The following NELL2 variants were observed in gnomAD, a reference collection of about 807,000 sequenced individuals.
NELL2 encodes protein kinase C-binding protein NELL2.
A neutral mutation model predicts 109.6 loss-of-function variants in NELL2; 41 were observed. The observed-to-expected ratio is 0.37, with a 90% CI of 0.29 to 0.49. NELL2 has a LOEUF of 0.49. Ranked by LOEUF, NELL2 falls within the 20% of genes least tolerant of loss-of-function variation. The probability of loss-of-function intolerance (pLI) is 0.98; values close to 1 mark genes in which losing one functional copy is unlikely to be tolerated. For synonymous variants in NELL2, 355 were observed against 344.7 expected, an observed-to-expected ratio of 1.03 and a Z score of -0.33; for missense variants, 900 against 1,008.3, an observed-to-expected ratio of 0.89 and a Z score of 1.45.
chr12:44,695,422 G>T, intron 12 of NELL2, among the ~76,000 whole-genome samples: 1 of 151,982 alleles, frequency 6.6e-6, no homozygotes, highest in East Asian at 1.9e-4. Flanking sequence ...ATTAGTCTGG[G>T]CATACTGGCT....
At chr12:44,634,764 G>T (rs904566201) in intron 13 of NELL2, among the ~76,000 whole-genome samples, 2 of 152,106 alleles carry the variant, frequency 1.3e-5, no homozygotes, top group African/African-American at 4.8e-5. Context: ...TTCCACAATG[G>T]TTAAACTAAT....
chr12:44,738,508 C>A (rs1419470850), intron 9 of NELL2, among the ~76,000 whole-genome samples: 1 of 150,198 alleles, frequency 6.7e-6, no homozygotes, highest in Non-Finnish European at 1.5e-5. Flanking sequence ...CTGTTTGAGA[C>A]AAGATGGATG....
At chr12:44,745,441 T>C (rs900493123) in intron 9 of NELL2, among the ~76,000 whole-genome samples, 11 of 152,238 alleles carry the variant, frequency 7.2e-5, no homozygotes, top group Admixed American at 4.6e-4. Flanking sequence ...GTGTTGGAGG[T>C]TCTGGCCAGG....
intron 14 of NELL2, among the ~76,000 whole-genome samples, chr12:44,609,808 G>A (rs903653631): frequency 1.3e-5 from 2 of 151,964 alleles, no homozygotes; most frequent in African/African-American, 2.4e-5. Flanking sequence ...ACTATTCCTT[G>A]TTCTTTCCTA....
intron 1 of NELL2, among the ~76,000 whole-genome samples, chr12:44,888,638 A>C (rs1330327773): frequency 6.6e-6 from 1 of 151,886 alleles, no homozygotes; most frequent in African/African-American, 2.4e-5. Context: ...ATGATATAAA[A>C]AGGAATAGTA....
intron 16 of NELL2, among the ~76,000 whole-genome samples, chr12:44,529,495 G>A (rs1189785316): frequency 2.6e-5 from 4 of 152,142 alleles, no homozygotes; most frequent in East Asian, 1.9e-4. Context: ...ATACATAGAC[G>A]GCATTTTAAG....
At chr12:44,540,790 A>AAAAAAAAAAAAAAAAAAAAAAC (rs1942522035) in intron 15 of NELL2, among the ~76,000 whole-genome samples, 1 of 149,518 alleles carries the variant, frequency 6.7e-6, no homozygotes, top group Non-Finnish European at 1.5e-5. Flanking sequence ...CCAAAAAAAA[A>AAAAAAAAAAAAAAAAAAAAAAC]AAAAAAAAGC....
Position 44,532,788 on chromosome 12 carries a change from A to G in NELL2, c.1664-67T>C. On this transcript the variant is annotated intron_variant, in intron 15 of 19. Transcript: ENST00000429094. ...TTGAAAGAAACTAGAATATTCTGCT[A>G]CAAGGCTACTAAAATTTTTAATGCC... 3 of 1,456,734 alleles carry G rather than the reference A, an allele frequency of 2.1e-6. No homozygotes were observed. In the South Asian group the frequency reaches 4.1e-5, roughly 20 times the overall value. 90.2% of individuals were successfully genotyped at this position (1,456,734 alleles called of 1,614,324 possible).
chr12:44,824,117 T>G (rs1943627491), intron 2 of NELL2, among the ~76,000 whole-genome samples: 1 of 152,228 alleles, frequency 6.6e-6, no homozygotes, highest in South Asian at 2.1e-4. Context: ...ACGAATTTCT[T>G]ATATATTTTG....
chr12:44,774,895 T>C (rs1394735598), intron 8 of NELL2, 46 bp from the exon 9 acceptor site: 10 of 1,460,600 alleles, frequency 6.8e-6, no homozygotes, highest in East Asian at 2.3e-5. Flanking sequence ...TAGAGTTTAG[T>C]AGTTTTCAAG....
rs528281057 is a variant in NELL2, at chr12:44,583,580, T to C, written c.1663+23589A>G. Among the ~76,000 whole-genome samples, 6 of 152,316 alleles carry C rather than the reference T, an allele frequency of 3.9e-5. No homozygotes were observed. In the South Asian group the frequency reaches 1.2e-3, roughly 32 times the overall value. ...CATATGTCATGAACTGTGTGAATTA[T>C]TAATAAAAAACAAAGATTTATGACA... is the stretch of plus-strand genomic sequence containing the variant. On this transcript the variant is annotated intron_variant, in intron 15 of 19. Coordinates refer to ENST00000429094, the MANE Select transcript of NELL2 (RefSeq NM_001145108.2).
At chr12:44,670,871 T>G (rs1174386986) in intron 12 of NELL2, among the ~76,000 whole-genome samples, 2 of 152,130 alleles carry the variant, frequency 1.3e-5, no homozygotes, top group Non-Finnish European at 2.9e-5. Context: ...ACACCCTCGT[T>G]TTAGCACTGG....
intron 12 of NELL2, among the ~76,000 whole-genome samples, chr12:44,671,369 G>C (rs1948132678): frequency 6.6e-6 from 1 of 152,048 alleles, no homozygotes; most frequent in Non-Finnish European, 1.5e-5. Context: ...ATATAGCAAT[G>C]CACCTCAAGG....
intron 3 of NELL2, among the ~76,000 whole-genome samples, chr12:44,815,053 C>G (rs1441304843): frequency 6.6e-6 from 1 of 152,150 alleles, no homozygotes; most frequent in Non-Finnish European, 1.5e-5. Context: ...TCCCCAATGT[C>G]CACAGATAGT....
chr12:44,545,909 G>T (rs1043988158), intron 15 of NELL2, among the ~76,000 whole-genome samples: 50 of 152,112 alleles, frequency 3.3e-4, no homozygotes, highest in African/African-American at 1.2e-3. Flanking sequence ...TTGAATACTT[G>T]ATCTACTTAA....
rs12819294 is a variant in NELL2, at chr12:44,754,838, T to C, written c.994+19909A>G. 7.8e-3 allele frequency among the ~76,000 whole-genome samples: 1,185 copies of C among 152,198 alleles called. 7 individuals carry two copies. The highest frequency in any genetic ancestry group is 0.014 in the Middle Eastern group (4 of 294). On this transcript the variant is annotated intron_variant, in intron 9 of 19. Coordinates refer to ENST00000429094, the MANE Select transcript of NELL2 (RefSeq NM_001145108.2). ...AATCTATTCTCTCAGCAATGAAAAA[T>C]ATAAAATACTGTGAAAAGCACTGCA...
chr12:44,594,643 T>C (rs1436736097), intron 15 of NELL2, among the ~76,000 whole-genome samples: 2 of 152,138 alleles, frequency 1.3e-5, no homozygotes, highest in Non-Finnish European at 2.9e-5. Flanking sequence ...AATTTCTCCC[T>C]CCTATTTGCC....
intron 2 of NELL2, among the ~76,000 whole-genome samples, chr12:44,842,101 G>A (rs147715767): frequency 2.4e-5 from 1 of 42,376 alleles, no homozygotes; most frequent in African/African-American, 6.7e-5. Context: ...GGGAGGGAGG[G>A]AGGGAGGGAG....
At chr12:44,733,744 G>C (rs1016438543) in intron 9 of NELL2, among the ~76,000 whole-genome samples, 1 of 151,774 alleles carries the variant, frequency 6.6e-6, no homozygotes, top group Non-Finnish European at 1.5e-5. Flanking sequence ...AGAAAGGCAA[G>C]CAAGGAAGTA....
Sources: gnomAD v4.1 joint callset for allele counts (sites outside exome capture counted in the v4.1 genomes callset) on GRCh38, gnomAD v4.1.1 for gene constraint, MANE v1.5 for transcripts, NCBI Gene and HGNC (gene_info 2026-07-23, HGNC 2026-07-21) for gene names.